The following TMEM44 variants were observed in gnomAD, a reference collection of about 807,000 sequenced individuals.
TMEM44 encodes the protein transmembrane protein 44.
A neutral mutation model predicts 47.8 loss-of-function variants in TMEM44; 43 were observed. The observed-to-expected ratio is 0.90, with a 90% CI of 0.70 to 1.16. The LOEUF is 1.16. TMEM44 is among the 50% of genes most tolerant of loss of function. The pLI, the probability that TMEM44 is intolerant of heterozygous loss-of-function variation, is 0.00. For synonymous variants in TMEM44, 277 were observed against 238.8 expected (o/e 1.16, Z -1.48); for missense variants, 568 against 555.2 (o/e 1.02, Z -0.23).
rs559436677 is a variant in TMEM44, at chr3:194,588,310, G to A, written c.*219C>T. On this transcript the variant is annotated 3_prime_UTR_variant, in exon 10 of 10. Transcript: ENST00000347147. ...TTCTGTGAACTGTGATCTTCAGAAC[G>A]AATGCTGGGCCTATCCAGGTCTGTC... is the stretch of plus-strand genomic sequence containing the variant. The A allele has an allele frequency of 2.3e-5, 12 of 516,938 alleles. No homozygotes were observed. Among genetic ancestry groups the A allele is most frequent in the African/African-American group, 1.9e-4 (10 of 51,644 alleles). The allele number at this position is 516,938 out of a possible 1,614,324, so 32.0% of individuals were successfully genotyped here.
chr3:194,601,897 T>A (rs1714176833), intron 9 of TMEM44, among the ~76,000 whole-genome samples: 1 of 152,160 alleles, frequency 6.6e-6, no homozygotes, highest in African/African-American at 2.4e-5. Flanking sequence ...AGTCCTTACC[T>A]CAACTGAGGG....
intron 9 of TMEM44, among the ~76,000 whole-genome samples, chr3:194,598,895 C>A (rs1009580985): frequency 6.6e-6 from 1 of 152,102 alleles, no homozygotes; most frequent in Non-Finnish European, 1.5e-5. Context: ...CCACAGGCCC[C>A]GACAGTGGGA....
At chr3:194,596,264 G>A (rs1544192) in intron 9 of TMEM44, among the ~76,000 whole-genome samples, 76,004 of 151,960 alleles carry the variant, frequency 0.5, 19,577 homozygotes, top group Non-Finnish European at 0.56. Context: ...GAGGCAGAGC[G>A]CGCCTGCATC....
intron 5 of TMEM44, 79 bp downstream of exon 5, chr3:194,623,145 C>T: frequency 7.1e-7 from 1 of 1,406,048 alleles, no homozygotes; most frequent in Non-Finnish European, 9.7e-7. Flanking sequence ...CACCTCCGCC[C>T]CATGACCCTC....
intron 9 of TMEM44, chr3:194,589,420 C>T (rs1233228208): frequency 6.6e-6 from 1 of 152,258 alleles, no homozygotes; most frequent in African/African-American, 2.4e-5. Flanking sequence ...ACTGATTTGC[C>T]CCTGAGCACG....
intron 5 of TMEM44, among the ~76,000 whole-genome samples, chr3:194,618,397 C>T (rs1716170406): frequency 6.6e-6 from 1 of 150,530 alleles, no homozygotes; most frequent in Non-Finnish European, 1.5e-5. Context: ...TGATTACATA[C>T]TTATATATTT....
At chr3:194,616,591 G>A (rs962108775) in intron 6 of TMEM44, 5 of 456,748 alleles carry the variant, frequency 1.1e-5, no homozygotes, top group Non-Finnish European at 2.2e-5. Context: ...CTGGCAGCTG[G>A]AAGAGGCAAG....
At chr3:194,605,924 G>A (rs1188301800) in intron 8 of TMEM44, among the ~76,000 whole-genome samples, 3 of 152,146 alleles carry the variant, frequency 2.0e-5, no homozygotes, top group African/African-American at 4.8e-5. Context: ...ACAAGCTCCT[G>A]TCAGAGTCAG....
chr3:194,602,522 A>G (rs1454124679), intron 9 of TMEM44, among the ~76,000 whole-genome samples: 1 of 152,018 alleles, frequency 6.6e-6, no homozygotes, highest in Admixed American at 6.6e-5. Flanking sequence ...GAATCTCTTG[A>G]ACCCGGGAGG....
rs535039832 is a variant in TMEM44 at position 194,613,289 on chromosome 3, T to C, written c.913-2269A>G. On this transcript the variant is annotated intron_variant, in intron 7 of 9. Coordinates refer to ENST00000347147, the MANE Select transcript of TMEM44 (RefSeq NM_001011655.3). ...GCCTCCTGGGTTCAAGTGATTCTCA[T>C]GTCTCAGCCTCCTGAGTAGCTGGGA... is the stretch of plus-strand genomic sequence containing the variant. Among the ~76,000 whole-genome samples, 136 of 152,110 alleles carry C rather than the reference T, an allele frequency of 8.9e-4. 1 individual carries two copies. Among genetic ancestry groups the C allele is most frequent in the African/African-American group, 3.2e-3 (133 of 41,480 alleles).
chr3:194,594,129 A>ATCTGTCTGTCTGTCTG (rs1182231663), intron 9 of TMEM44, among the ~76,000 whole-genome samples: 6,242 of 121,680 alleles, frequency 0.051, 186 homozygotes, highest in East Asian at 0.1. Flanking sequence ...CTATCTATCT[A>ATCTGTCTGTCTGTCTG]TCTATCTATC....
intron 5 of TMEM44, 65 bp downstream of exon 5, chr3:194,623,159 G>A (rs1200284506): frequency 1.3e-6 from 2 of 1,494,638 alleles, no homozygotes; most frequent in Non-Finnish European, 1.8e-6. Context: ...GACCCTCTCA[G>A]GATGCTCCCA....
intron 7 of TMEM44, among the ~76,000 whole-genome samples, chr3:194,615,347 C>G (rs1715762154): frequency 6.6e-6 from 1 of 152,150 alleles, no homozygotes; most frequent in Admixed American, 6.5e-5. Context: ...GGCTCAATGC[C>G]CCGTCCACTC....
chr3:194,623,627 G>C lies in TMEM44; in HGVS notation c.427C>G (p.Leu143Val), dbSNP rs983577828. The C allele has an allele frequency of 5.0e-6, 8 of 1,612,660 alleles. No homozygotes were observed. The African/African-American group carries it at 9.3e-5, about 19-fold the overall frequency. ...RASVFALALP[L>V]SLGPCWALWV... ...AGAGCCCAGCACGGGCCCAGGCTCA[G>C]CGGCAGGGCCAGGGCAAACACACTG... is the stretch of plus-strand genomic sequence containing the variant. Residue 143 changes from leucine (L) to valine (V), a missense_variant, in exon 4 of 10, where the codon CTG becomes GTG. By Grantham distance (32) the Leu-to-Val change is conservative (BLOSUM62 1). Transcript: ENST00000347147.
intron 9 of TMEM44, chr3:194,589,952 A>G (rs900007448): frequency 1.3e-5 from 2 of 152,164 alleles, no homozygotes; most frequent in African/African-American, 4.8e-5. Flanking sequence ...ACAAGGTCAC[A>G]TTTGACAGTA....
chr3:194,626,038 A>T (rs1227035760), intron 2 of TMEM44, 48 bp from the exon 3 acceptor site: 6 of 1,438,240 alleles, frequency 4.2e-6, no homozygotes, highest in Non-Finnish European at 9.8e-7. Context: ...ATCTTTCCTC[A>T]GCCCCTACAG....
intron 7 of TMEM44, among the ~76,000 whole-genome samples, chr3:194,612,530 G>A (rs1715426917): frequency 6.6e-6 from 1 of 151,548 alleles, no homozygotes; most frequent in South Asian, 2.1e-4. Context: ...CCTGGCCACG[G>A]AGGAAGTTAC....
At position 194,588,465 on chromosome 3, in the gene TMEM44, C is replaced by G; in HGVS notation, c.*64G>C. On this transcript the variant is annotated 3_prime_UTR_variant, in exon 10 of 10. Coordinates refer to ENST00000347147, the MANE Select transcript of TMEM44 (RefSeq NM_001011655.3). ...CGCGGTGTCAGTGCAGATTGATTCC[C>G]GCTGCGTTACTGAACGAACTCCTGA... The G allele has an allele frequency of 6.9e-7, 1 of 1,448,900 alleles. No individual in the cohort carries two copies. Among genetic ancestry groups the G allele is most frequent in the South Asian group, 1.2e-5 (1 of 86,580 alleles). 89.8% of individuals were successfully genotyped at this position (1,448,900 alleles called of 1,614,324 possible).
In TMEM44 at chr3:194,620,851, C is replaced by A. The variant is rs529989732; in HGVS notation, c.612+2373G>T. On this transcript the variant is annotated intron_variant, in intron 5 of 9. Coordinates refer to ENST00000347147, the MANE Select transcript of TMEM44 (RefSeq NM_001011655.3). ...AGACCAGCCTGGCCAACATGGTGCA[C>A]TCTCGTCTCTACTAAAAATACAAAA... Among the ~76,000 whole-genome samples, 9 of 151,640 alleles carry A rather than the reference C, an allele frequency of 5.9e-5. No homozygotes were observed. In the South Asian group the frequency reaches 1.9e-3, roughly 32 times the overall value.
Sources: gnomAD v4.1 joint callset for allele counts (sites outside exome capture counted in the v4.1 genomes callset) on GRCh38, gnomAD v4.1.1 for gene constraint, MANE v1.5 for transcripts, NCBI Gene and HGNC (gene_info 2026-07-23, HGNC 2026-07-21) for gene names.